The following NTM variants were observed in gnomAD, a reference collection of about 807,000 sequenced individuals.
NTM encodes the protein neurotrimin.
A neutral mutation model predicts 42.1 loss-of-function variants in NTM; 13 were observed. The observed-to-expected ratio is 0.31, with a 90% CI of 0.20 to 0.49. The LOEUF is 0.49. Ranked by LOEUF, NTM falls within the 20% of genes least tolerant of loss-of-function variation. NTM has a pLI of 0.99. For missense variants in NTM, 373 were observed against 452.8 expected (o/e 0.82, Z 1.60); for synonymous variants, 187 against 179.2 (o/e 1.04, Z -0.35).
At chr11:131,467,857 G>A (rs999758745) in intron 1 of NTM, among the ~76,000 whole-genome samples, 1 of 152,190 alleles carries the variant, frequency 6.6e-6, no homozygotes, top group Non-Finnish European at 1.5e-5. Flanking sequence ...ACCTCTGAGT[G>A]AGCTGTTCCC....
At chr11:131,948,623 C>T (rs2060636427) in intron 2 of NTM, among the ~76,000 whole-genome samples, 1 of 152,132 alleles carries the variant, frequency 6.6e-6, no homozygotes, top group Non-Finnish European at 1.5e-5. Flanking sequence ...GGCTTTTGTA[C>T]TTGCTGTTCT....
chr11:131,833,450 A>G (rs938928122), intron 1 of NTM, among the ~76,000 whole-genome samples: 2 of 152,202 alleles, frequency 1.3e-5, no homozygotes, highest in African/African-American at 4.8e-5. Context: ...AAGAAAACTA[A>G]AGCACAGAGA....
At chr11:132,071,211 C>T (rs78062939) in intron 2 of NTM, among the ~76,000 whole-genome samples, 1 of 130,498 alleles carries the variant, frequency 7.7e-6, no homozygotes, top group Non-Finnish European at 1.7e-5. Context: ...TAACACGTCA[C>T]ACTGACCATC....
intron 2 of NTM, among the ~76,000 whole-genome samples, chr11:132,035,970 G>A (rs1458101577): frequency 6.6e-6 from 1 of 152,156 alleles, no homozygotes; most frequent in Admixed American, 6.5e-5. Flanking sequence ...ATGGGAGATA[G>A]AGCTGCATCA....
chr11:132,104,357 G>A lies in NTM; in HGVS notation c.168-41925G>A, dbSNP rs113494673. Among the ~76,000 whole-genome samples, 1,371 of 150,472 alleles carry A rather than the reference G, an allele frequency of 9.1e-3. 10 individuals are homozygous for A. Among genetic ancestry groups the A allele is most frequent in the African/African-American group, 0.013 (549 of 40,850 alleles). ...CCCCTTCCTCCCTCCATTTTCCCCC[G>A]TCCCATCTTCTTTCCTTGCATCCTT... On this transcript the variant is annotated intron_variant, in intron 2 of 8. Coordinates refer to ENST00000683400, the MANE Select transcript of NTM (RefSeq NM_001352005.2).
chr11:132,043,392 C>T (rs1156920494), intron 2 of NTM, among the ~76,000 whole-genome samples: 1 of 152,210 alleles, frequency 6.6e-6, no homozygotes, highest in East Asian at 1.9e-4. Context: ...GAGCCATGTG[C>T]ATTTCAGCTA....
At chr11:131,402,799 C>T (rs926337809) in intron 1 of NTM, among the ~76,000 whole-genome samples, 4 of 152,184 alleles carry the variant, frequency 2.6e-5, no homozygotes, top group Admixed American at 1.3e-4. Context: ...AATTTTACAG[C>T]GTCTGCTGTA....
chr11:131,710,515 T>C (rs2077013250), intron 1 of NTM, among the ~76,000 whole-genome samples: 1 of 152,152 alleles, frequency 6.6e-6, no homozygotes, highest in Admixed American at 6.5e-5. Flanking sequence ...ATTATTGGTT[T>C]CGATTCAGGT....
At chr11:131,598,829 CTTTCTTTCTTTCTTTCTTT>C (rs377730238) in intron 1 of NTM, among the ~76,000 whole-genome samples, 1,953 of 35,352 alleles carry the variant, frequency 0.055, 560 homozygotes, top group South Asian at 0.14. Flanking sequence ...TTTCTTTCTT[CTTTCTTTCTTTCTTTCTTT>C]CTTCCTTCCT....
intron 1 of NTM, among the ~76,000 whole-genome samples, chr11:131,674,754 C>T (rs115104051): frequency 6.6e-6 from 1 of 152,186 alleles, no homozygotes; most frequent in Admixed American, 6.5e-5. Context: ...AATGCTGCTT[C>T]TCTGAAATTC....
intron 4 of NTM, among the ~76,000 whole-genome samples, chr11:132,280,996 T>C (rs1229021012): frequency 6.6e-6 from 1 of 152,248 alleles, no homozygotes; most frequent in East Asian, 1.9e-4. Flanking sequence ...GCTTTGATCT[T>C]TTTTAAAACC....
At position 131,503,199 on chromosome 11, in the gene NTM, G is replaced by A. The variant is rs12099092; in HGVS notation, c.82+132311G>A. On this transcript the variant is annotated intron_variant, in intron 1 of 8. Transcript: ENST00000683400. ...TGATGATGAGGGTACAAAGGAATGA[G>A]AGCTGATGTCCTGTGCCTGGGGGAA... 4.6e-3 allele frequency among the ~76,000 whole-genome samples: 700 copies of A among 152,332 alleles called. 6 individuals are homozygous for A. Among genetic ancestry groups the A allele is most frequent in the African/African-American group, 0.016 (670 of 41,578 alleles).
rs533236089 is a variant in NTM at position 131,933,824 on chromosome 11, G to T, written c.167+22176G>T. Among the ~76,000 whole-genome samples the T allele has an allele frequency of 1.8e-4, 27 of 152,122 alleles. No homozygotes were observed. The South Asian group carries it at 5.4e-3, about 30-fold the overall frequency. On this transcript the variant is annotated intron_variant, in intron 2 of 8. Coordinates refer to ENST00000683400, the MANE Select transcript of NTM (RefSeq NM_001352005.2). ...CGTGAACTGGGTAATTAAGTAGTCA[G>T]AAATATATTTAATAATAATATAAAT...
intron 1 of NTM, among the ~76,000 whole-genome samples, chr11:131,520,101 T>C (rs1490683502): frequency 6.6e-6 from 1 of 152,226 alleles, no homozygotes; most frequent in African/African-American, 2.4e-5. Flanking sequence ...TCAACTTCTA[T>C]CGTCGTCAAC....
At chr11:132,023,110 T>C (rs929363791) in intron 2 of NTM, among the ~76,000 whole-genome samples, 2 of 152,082 alleles carry the variant, frequency 1.3e-5, no homozygotes, top group African/African-American at 4.8e-5. Flanking sequence ...TTACTTTGAT[T>C]AGGAGGCTTT....
chr11:132,235,997 C>CAT (rs2088782248), intron 4 of NTM, among the ~76,000 whole-genome samples: 2 of 132,240 alleles, frequency 1.5e-5, no homozygotes, highest in South Asian at 4.6e-4. Flanking sequence ...CACACAGACA[C>CAT]ACACACACAC....
chr11:131,963,555 C>G (rs114348097), intron 2 of NTM, among the ~76,000 whole-genome samples: 1 of 152,160 alleles, frequency 6.6e-6, no homozygotes, highest in Admixed American at 6.5e-5. Flanking sequence ...TCTCCTGTGA[C>G]CTTGCTAAAA....
rs551119777 is a variant in NTM at position 132,242,494 on chromosome 11, G to T, written c.526+30347G>T. The stretch of plus-strand genomic sequence containing the variant: ...AGCAAAGAAAGAAGAGGTGTCATTT[G>T]GGCGTCTCGCTAGTTTTTCTTCTAT... On this transcript the variant is annotated intron_variant, in intron 4 of 8. Coordinates refer to ENST00000683400, the MANE Select transcript of NTM (RefSeq NM_001352005.2). Among the ~76,000 whole-genome samples, 19 of 152,302 alleles carry T rather than the reference G, an allele frequency of 1.2e-4. No individual in the cohort carries two copies. In the South Asian group the frequency reaches 3.3e-3, roughly 27 times the overall value.
intron 2 of NTM, among the ~76,000 whole-genome samples, chr11:131,978,860 T>C (rs1361750935): frequency 6.6e-6 from 1 of 152,218 alleles, no homozygotes; most frequent in Non-Finnish European, 1.5e-5. Flanking sequence ...TTCACCTGCA[T>C]ACTTGAATGT....
Sources: gnomAD v4.1 joint callset for allele counts (sites outside exome capture counted in the v4.1 genomes callset) on GRCh38, gnomAD v4.1.1 for gene constraint, MANE v1.5 for transcripts, NCBI Gene and HGNC (gene_info 2026-07-23, HGNC 2026-07-21) for gene names.